LRRC37A2: variants seen among roughly 807,000 people sequenced by gnomAD.
LRRC37A2 encodes leucine rich repeat containing 37 member A2, also known as leucine-rich repeat-containing protein 37A2.
In LRRC37A2, 9 loss-of-function variants were observed where a neutral mutation model predicts 68.8. That is an observed-to-expected ratio of 0.13 (90% CI 0.08 to 0.23). The LOEUF (loss-of-function observed/expected upper bound fraction) is 0.23, where lower values mean the gene tolerates loss of function less well. LRRC37A2 is among the 10% of genes least tolerant of loss of function. LRRC37A2 has a pLI of 1.00. For missense variants in LRRC37A2, 168 were observed against 950.4 expected (o/e 0.18, Z 10.82); for synonymous variants, 63 against 367.6 (o/e 0.17, Z 9.48).
the LRRC37A2 span, among the ~76,000 whole-genome samples, chr17:46,909,412 A>G: frequency 6.6e-6 from 1 of 152,358 alleles, no homozygotes; most frequent in East Asian, 1.9e-4. Context: ...GGAGCAGAGG[A>G]AATTAATACA....
chr17:46,583,975 TTATA>T, the LRRC37A2 span, among the ~76,000 whole-genome samples: 1 of 10,328 alleles, frequency 9.7e-5, no homozygotes, highest in African/African-American at 2.6e-4. Flanking sequence ...CGTATATGTT[TTATA>T]TATATATATA....
the LRRC37A2 span, among the ~76,000 whole-genome samples, chr17:46,998,298 C>T: frequency 3.9e-5 from 6 of 152,194 alleles, no homozygotes; most frequent in South Asian, 2.1e-4. Context: ...CCGGCTCGGC[C>T]GTGAGTGTGC....
At chr17:46,809,780 A>T in the LRRC37A2 span, among the ~76,000 whole-genome samples, 1 of 152,010 alleles carries the variant, frequency 6.6e-6, no homozygotes, top group Admixed American at 6.5e-5. Flanking sequence ...CCCCGTGACC[A>T]GTTGGCTTCA....
At chr17:46,748,080 G>GA in the LRRC37A2 span, among the ~76,000 whole-genome samples, 2 of 152,206 alleles carry the variant, frequency 1.3e-5, no homozygotes, top group South Asian at 2.1e-4. Flanking sequence ...AAAATTGTGA[G>GA]AAAAAAATTA....
the LRRC37A2 span, among the ~76,000 whole-genome samples, chr17:46,884,679 C>T: frequency 2.0e-5 from 3 of 152,294 alleles, no homozygotes; most frequent in East Asian, 1.9e-4. Flanking sequence ...CTTATGACAA[C>T]GCTCCAAGTT....
chr17:46,533,504 T>C (rs1458971655), intron 6 of LRRC37A2, among the ~76,000 whole-genome samples: 1 of 147,116 alleles, frequency 6.8e-6, no homozygotes, highest in African/African-American at 2.7e-5. Context: ...TTCTTTTTTT[T>C]TTTTTTCTTT....
At chr17:46,923,624 A>G in the LRRC37A2 span, 2 of 1,234,224 alleles carry the variant, frequency 1.6e-6, no homozygotes, top group Non-Finnish European at 1.0e-6. Context: ...GTTTAATTGG[A>G]GAGTCAGGGC....
At chr17:46,569,132 G>A in the LRRC37A2 span, among the ~76,000 whole-genome samples, 9 of 150,970 alleles carry the variant, frequency 6.0e-5, no homozygotes, top group African/African-American at 2.2e-4. Flanking sequence ...ATTTTTAGTA[G>A]AGACAGGGTT....
At chr17:46,879,144 A>G in the LRRC37A2 span, among the ~76,000 whole-genome samples, 1 of 152,228 alleles carries the variant, frequency 6.6e-6, no homozygotes, top group African/African-American at 2.4e-5. Context: ...TATATGAGAA[A>G]GTATTTATAT....
the LRRC37A2 span, among the ~76,000 whole-genome samples, chr17:46,495,619 A>C: frequency 6.6e-6 from 1 of 150,994 alleles, no homozygotes; most frequent in African/African-American, 2.5e-5. Context: ...TCCTGACCTC[A>C]GGTGATTCGT....
At chr17:46,932,024 C>T in the LRRC37A2 span, 1 of 1,600,808 alleles carries the variant, frequency 6.2e-7, no homozygotes, top group East Asian at 2.2e-5. Context: ...GATTCTGCTG[C>T]CCTGAGTTCC....
the LRRC37A2 span, among the ~76,000 whole-genome samples, chr17:46,676,149 C>T: frequency 1.1e-4 from 15 of 141,196 alleles, no homozygotes; most frequent in Non-Finnish European, 1.9e-4. Flanking sequence ...ATATCTGCTG[C>T]CACCACAGGG....
chr17:46,721,570 A>G, the LRRC37A2 span: 2 of 1,468,550 alleles, frequency 1.4e-6, no homozygotes, highest in South Asian at 2.3e-5. Flanking sequence ...CTTTTTATTT[A>G]GCCATTTTTG....
the LRRC37A2 span, among the ~76,000 whole-genome samples, chr17:46,731,620 G>A: frequency 2.0e-5 from 3 of 152,092 alleles, no homozygotes; most frequent in African/African-American, 7.2e-5. Flanking sequence ...GGGAGAAAGA[G>A]GAATTGGATC....
the LRRC37A2 span, among the ~76,000 whole-genome samples, chr17:46,837,192 C>T: frequency 8.1e-3 from 1,235 of 152,252 alleles, 9 homozygotes; most frequent in Middle Eastern, 0.027. Context: ...CTGCCCGCCG[C>T]GGCCCCCCAA....
the LRRC37A2 span, among the ~76,000 whole-genome samples, chr17:46,708,804 TTATA>T: frequency 6.3e-3 from 405 of 64,364 alleles, 6 homozygotes; most frequent in Middle Eastern, 0.031. Context: ...ACCATTTATT[TTATA>T]TATATATATA....
chr17:47,027,203 C>T, the LRRC37A2 span, among the ~76,000 whole-genome samples: 1 of 152,146 alleles, frequency 6.6e-6, no homozygotes, highest in Non-Finnish European at 1.5e-5. Context: ...AGCCACCGCA[C>T]CCGGCCCGAC....
the LRRC37A2 span, among the ~76,000 whole-genome samples, chr17:46,921,457 A>G: frequency 6.6e-6 from 1 of 152,152 alleles, no homozygotes; most frequent in East Asian, 1.9e-4. Flanking sequence ...AAAAGCAATG[A>G]CAACGAAAGC....
the LRRC37A2 span, among the ~76,000 whole-genome samples, chr17:46,779,746 A>G: frequency 1.5e-5 from 2 of 135,888 alleles, no homozygotes; most frequent in African/African-American, 5.7e-5. Flanking sequence ...TGGTGAGCAC[A>G]AGGCAGAGAG....
Sources: allele counts gnomAD v4.1 joint callset (sites outside exome capture counted in the v4.1 genomes callset), GRCh38; gene constraint gnomAD v4.1.1; transcripts MANE v1.5; gene names NCBI Gene and HGNC (gene_info 2026-07-23, HGNC 2026-07-21).